Variants in LAMB2 observed in about 807,000 individuals in gnomAD.
The protein encoded by LAMB2 is laminin subunit beta 2, also known as laminin subunit beta-2.
Under a neutral mutation model 202.7 loss-of-function variants are expected in LAMB2, and 119 were observed. The observed-to-expected ratio is 0.59, with a 90% CI of 0.51 to 0.68. The LOEUF is 0.68. LAMB2 is among the 30% of genes least tolerant of loss of function. LAMB2 has a pLI of 0.00. For missense variants in LAMB2, 2,124 were observed against 2,410.6 expected (o/e 0.88, Z 2.49); for synonymous variants, 818 against 902.2 (o/e 0.91, Z 1.67).
In LAMB2 at chr3:49,124,682, C is replaced by G; in HGVS notation, c.3109+19G>C. 1 of 1,614,026 alleles carries G rather than the reference C, an allele frequency of 6.2e-7. No individual in the cohort carries two copies. Among genetic ancestry groups the G allele is most frequent in the Non-Finnish European group, 8.5e-7 (1 of 1,179,932 alleles). On this transcript the variant is annotated intron_variant, in intron 21 of 31. Transcript: ENST00000305544. Reference sequence around the variant, plus strand: ...AGCAGAACCCCAATTCAGCCATGCCCTCCCACACTCATACTCACGGTGACA... The same window carrying G: ...AGCAGAACCCCAATTCAGCCATGCCGTCCCACACTCATACTCACGGTGACA...
intron 27 of LAMB2, 131 bp downstream of exon 27, chr3:49,122,573 G>A: frequency 1.0e-6 from 1 of 971,630 alleles, no homozygotes; most frequent in Non-Finnish European, 1.7e-6. Flanking sequence ...AATAACTCAG[G>A]AGCCAGTCAA....
Position 49,129,735 on chromosome 3 carries a change from A to G in LAMB2, c.1406-19T>C, listed in dbSNP as rs747602880. ...TGACATCCTGCAGGGAAGGAGAACC[A>G]TCAGCACTTTGGGAAACTGTGGCAG... On this transcript the variant is annotated intron_variant, in intron 10 of 31. Transcript: ENST00000305544. This position sits in a 1 kb window ranked among gnomAD's most constrained non-coding sequence, Gnocchi z 6.1. 1.9e-6 allele frequency: 3 copies of G among 1,611,828 alleles called. No individual in the cohort carries two copies. Among genetic ancestry groups the G allele is most frequent in the Non-Finnish European group, 8.5e-7 (1 of 1,178,088 alleles).
Position 49,131,603 on chromosome 3 carries a change from G to A in LAMB2, c.580C>T (p.Pro194Ser). Residue 194 changes from proline to serine, a missense_variant, in exon 5 of 32, where the codon CCA becomes TCA. This residue lies in a region of LAMB2 where 256 missense variants were observed against 356.1 expected (regional missense o/e 0.72). Transcript: ENST00000305544. This position sits in a 1 kb window ranked among gnomAD's most constrained non-coding sequence, Gnocchi z 5.0. ...CAGACTACATCATCCCAGTGCCGTGGGGGTGCTAGTGGGACTCCTGGGAAG... is the reference window on the plus strand; with the variant it reads ...CAGACTACATCATCCCAGTGCCGTGAGGGTGCTAGTGGGACTCCTGGGAAG... ...ADFPGVPLAP[P>S]RHWDDVVCES... is the part of the protein sequence containing the mutation. The A allele has an allele frequency of 1.9e-6, 3 of 1,613,848 alleles. No homozygotes were observed. Among genetic ancestry groups the A allele is most frequent in the Non-Finnish European group, 1.7e-6 (2 of 1,180,034 alleles).
Position 49,126,409 on chromosome 3 carries a change from G to T in LAMB2, c.2107C>A (p.Gln703Lys). 3 of 1,614,184 alleles carry T rather than the reference G, an allele frequency of 1.9e-6. No individual in the cohort carries two copies. The highest frequency in any genetic ancestry group is 2.5e-6 in the Non-Finnish European group (3 of 1,180,028). ...LKLVRTGGSA[Q>K]PETPYSGPGL... is the part of the protein sequence containing the mutation. The stretch of plus-strand genomic sequence containing the variant: ...GGTCCAGAGTAGGGAGTCTCAGGCT[G>T]GGCACTTCCCCCTGTCCGTACCAGC... The change falls in exon 16 of 32, where the codon CAG (glutamine) becomes AAG (lysine). Residue 703 changes from glutamine (Q) to lysine (K), a missense_variant. Gln to Lys is a moderately conservative substitution (Grantham distance 53). Transcript: ENST00000305544.
chr3:49,127,838 G>A (rs944095010), intron 15 of LAMB2, among the ~76,000 whole-genome samples: 4 of 151,752 alleles, frequency 2.6e-5, no homozygotes, highest in African/African-American at 9.7e-5. Context: ...GGCCAACATG[G>A]TGAAACCCCA....
rs1424372955 is a variant in LAMB2 at position 49,128,495 on chromosome 3, C to T, written c.1981G>A (p.Asp661Asn). 1.9e-6 allele frequency: 3 copies of T among 1,614,042 alleles called. No homozygotes were observed. Among genetic ancestry groups the T allele is most frequent in the Non-Finnish European group, 2.5e-6 (3 of 1,180,038 alleles). Reference protein sequence around the residue: ...HSLCGHLVPKDDRIQGTLQPH... With the variant: ...HSLCGHLVPKNDRIQGTLQPH... The stretch of plus-strand genomic sequence containing the variant: ...TGCAGAGTCCCTTGGATGCGATCAT[C>T]CTTGGGCACCAAATGCCCACACAGG... Residue 661 changes from aspartate to asparagine, a missense_variant, in exon 15 of 32, where the codon GAT becomes AAT. By Grantham distance (23) the Asp-to-Asn change is conservative. Transcript: ENST00000305544.
chr3:49,128,337 G>A, intron 15 of LAMB2, 121 bp downstream of exon 15: 2 of 1,290,522 alleles, frequency 1.5e-6, no homozygotes, highest in East Asian at 5.0e-5. Flanking sequence ...CCAGCATTCT[G>A]GAGGTATTTG....
At position 49,132,897 on chromosome 3, in the gene LAMB2, G is replaced by C; in HGVS notation, c.-30C>G. ...AAGAGGGGAACAGGGATAAGGGGAG[G>C]TGAACGGTCTCGGGCCCGAGCCCTC... On this transcript the variant is annotated 5_prime_UTR_variant, in exon 1 of 32. Transcript: ENST00000305544. The surrounding 1 kb of genome is among the most constrained non-coding windows in gnomAD (Gnocchi z 4.6). The C allele has an allele frequency of 6.2e-7, 1 of 1,605,184 alleles. No individual in the cohort carries two copies. Among genetic ancestry groups the C allele is most frequent in the Non-Finnish European group, 8.5e-7 (1 of 1,172,104 alleles).
Position 49,122,024 on chromosome 3 carries a change from G to T in LAMB2, c.4843C>A (p.Gln1615Lys). 1 of 1,613,782 alleles carries T rather than the reference G, an allele frequency of 6.2e-7. No individual in the cohort carries two copies. The highest frequency in any genetic ancestry group is 8.5e-7 in the Non-Finnish European group (1 of 1,180,040). Residue 1615 changes from glutamine (Q) to lysine (K), a missense_variant, in exon 29 of 32, where the codon CAG (glutamine) becomes AAG (lysine). By Grantham distance (53) the Gln-to-Lys change is moderately conservative. Coordinates refer to ENST00000305544, the MANE Select transcript of LAMB2 (RefSeq NM_002292.4). ...CCCTGGGCAATACCCTGTGCCCGCT[G>T]GGCCTCCTCCAGTGCTGCCTGTACT... ...ETVQAALEEA[Q>K]RAQGIAQGAI...
In LAMB2 at chr3:49,129,692, G is replaced by A. The variant is rs2045460377; in HGVS notation, c.1430C>T (p.Thr477Ile). The change falls in exon 11 of 32, where the codon ACA (threonine) becomes ATA (isoleucine). Residue 477 changes from threonine (T) to isoleucine (I), a missense_variant. Transcript: ENST00000305544. This position sits in a 1 kb window ranked among gnomAD's most constrained non-coding sequence, Gnocchi z 6.1. Reference sequence around the variant, plus strand: ...GTCACAAGGAGTGCTCCCAGGCACTGTGCCCCGTGCATTACATTGACATCC... The same window carrying A: ...GTCACAAGGAGTGCTCCCAGGCACTATGCCCCGTGCATTACATTGACATCC... ...CRRCQCNARGTVPGSTPCDPN... is the reference protein window; with the variant it reads ...CRRCQCNARGIVPGSTPCDPN... 1.2e-6 allele frequency: 2 copies of A among 1,613,884 alleles called. No homozygotes were observed.
Position 49,132,891 on chromosome 3 carries a change from G to A in LAMB2, c.-24C>T, listed in dbSNP as rs764522917. 2.5e-6 allele frequency: 4 copies of A among 1,610,134 alleles called. No individual in the cohort carries two copies. In the Admixed American group the frequency reaches 6.7e-5, roughly 27 times the overall value. On this transcript the variant is annotated 5_prime_UTR_variant, in exon 1 of 32. Coordinates refer to ENST00000305544, the MANE Select transcript of LAMB2 (RefSeq NM_002292.4). This position sits in a 1 kb window ranked among gnomAD's most constrained non-coding sequence, Gnocchi z 4.6. ...ATCCTGAAGAGGGGAACAGGGATAA[G>A]GGGAGGTGAACGGTCTCGGGCCCGA... is the stretch of plus-strand genomic sequence containing the variant.
chr3:49,121,247 C>T lies in LAMB2; in HGVS notation c.5376G>A (p.Gln1792=). The change falls in exon 32 of 32, where the codon CAG becomes CAA. Residue 1792 remains glutamine, a synonymous_variant. Coordinates refer to ENST00000305544, the MANE Select transcript of LAMB2 (RefSeq NM_002292.4). ...SVLQAINLQV[Q]IYNTCQ The stretch of plus-strand genomic sequence containing the variant: ...GGGGTCACTGGCAGGTGTTGTAGAT[C>T]TGCACCTGCAAGTTGATGGCTTGAA... 6.2e-7 allele frequency: 1 copy of T among 1,612,284 alleles called. No homozygotes were observed. Among genetic ancestry groups the T allele is most frequent in the Non-Finnish European group, 8.5e-7 (1 of 1,180,026 alleles).
At position 49,122,976 on chromosome 3, in the gene LAMB2, T is replaced by C; in HGVS notation, c.4301A>G (p.Gln1434Arg). 6.2e-7 allele frequency: 1 copy of C among 1,609,046 alleles called. No homozygotes were observed. The highest frequency in any genetic ancestry group is 2.2e-5 in the East Asian group (1 of 44,874). ...GGAGCRDEDGQPRCGGLSCNG... is the reference protein window; with the variant it reads ...GGAGCRDEDGRPRCGGLSCNG... Reference sequence around the variant, plus strand: ...GCAGCTGAGGCCCCCACAGCGCGGCTGCCCATCCTCATCTCGACAGCCGGC... The same window carrying C: ...GCAGCTGAGGCCCCCACAGCGCGGCCGCCCATCCTCATCTCGACAGCCGGC... Residue 1434 changes from glutamine to arginine, a missense_variant, in exon 27 of 32, where the codon CAG (glutamine) becomes CGG (arginine). Gln to Arg is a conservative substitution (Grantham distance 43). This residue lies in a region of LAMB2 where 1,702 missense variants were observed against 1,896.3 expected (regional missense o/e 0.90). Transcript: ENST00000305544.
Position 49,122,727 on chromosome 3 carries a change from T to C in LAMB2, c.4550A>G (p.Gln1517Arg), listed in dbSNP as rs2045353224. 2 of 1,614,150 alleles carry C rather than the reference T, an allele frequency of 1.2e-6. No homozygotes were observed. The highest frequency in any genetic ancestry group is 2.2e-5 in the South Asian group (2 of 91,078). Residue 1517 changes from glutamine to arginine, a missense_variant, in exon 27 of 32, where the codon CAG becomes CGG. Physicochemically the swap from Gln to Arg is conservative, Grantham distance 43. Coordinates refer to ENST00000305544, the MANE Select transcript of LAMB2 (RefSeq NM_002292.4). ...ACGGTTGAGGAAGTCCTTCACACTC[T>C]GGATAAGTTCTTGAAGTTCCTGGTT... ...QANQELQELI[Q>R]SVKDFLNQEG...
rs1357115478 is a variant in LAMB2 at position 49,130,759 on chromosome 3, G to A, written c.1017C>T (p.Gly339=). 2 of 1,613,902 alleles carry A rather than the reference G, an allele frequency of 1.2e-6. No individual in the cohort carries two copies. The highest frequency in any genetic ancestry group is 1.7e-6 in the Non-Finnish European group (2 of 1,180,014). The part of the protein sequence containing the change: ...RDLPWRPAED[G]HSHACRKCEC... The stretch of plus-strand genomic sequence containing the variant: ...ACTCACTCCTACAGGCATGACTATG[G>A]CCGTCCTCAGCCGGACGCCAGGGCA... Residue 339 remains glycine (G), a synonymous_variant, in exon 8 of 32, where the codon GGC becomes GGT. Transcript: ENST00000305544. The surrounding 1 kb of genome is among the most constrained non-coding windows in gnomAD (Gnocchi z 5.0).
At chr3:49,127,559 G>C (rs1019954512) in intron 15 of LAMB2, among the ~76,000 whole-genome samples, 2 of 151,716 alleles carry the variant, frequency 1.3e-5, no homozygotes, top group Non-Finnish European at 2.9e-5. Flanking sequence ...GCAAGGCATG[G>C]TGGCGGGTGC....
At chr3:49,127,962 G>T (rs1321312795) in intron 15 of LAMB2, among the ~76,000 whole-genome samples, 1 of 142,480 alleles carries the variant, frequency 7.0e-6, no homozygotes, top group Non-Finnish European at 1.5e-5. Flanking sequence ...GGAGATTACA[G>T]TGAGCCGAGA....
In LAMB2 at chr3:49,124,901, G is replaced by A. The variant is rs763062098; in HGVS notation, c.2909C>T (p.Pro970Leu). The A allele has an allele frequency of 6.2e-7, 1 of 1,614,092 alleles. No homozygotes were observed. Among genetic ancestry groups the A allele is most frequent in the South Asian group, 1.1e-5 (1 of 91,090 alleles). Reference protein sequence around the residue: ...YTGLRCEACAPGHFGDPSRPG... With the variant: ...YTGLRCEACALGHFGDPSRPG... The stretch of plus-strand genomic sequence containing the variant: ...CCTTGATGGGTCCCCAAAGTGCCCA[G>A]GGGCACAAGCTTCACATCGCAGCCC... The change falls in exon 21 of 32, where the codon CCT (proline) becomes CTT (leucine). Residue 970 changes from proline (P) to leucine (L), a missense_variant. Physicochemically the swap from Pro to Leu is moderately conservative, Grantham distance 98. Transcript: ENST00000305544.
Position 49,123,116 on chromosome 3 carries a change from A to G in LAMB2, c.4224+16T>C. On this transcript the variant is annotated intron_variant, in intron 26 of 31. Coordinates refer to ENST00000305544, the MANE Select transcript of LAMB2 (RefSeq NM_002292.4). ...ACATCTACACCCACCTGCCCCACCCAACACTTCAACCTCACCAGCTCATTT... is the reference window on the plus strand; with the variant it reads ...ACATCTACACCCACCTGCCCCACCCGACACTTCAACCTCACCAGCTCATTT... The G allele has an allele frequency of 1.2e-6, 2 of 1,609,554 alleles. No individual in the cohort carries two copies. Among genetic ancestry groups the G allele is most frequent in the South Asian group, 1.1e-5 (1 of 91,084 alleles).
Sources: gnomAD v4.1 joint callset for allele counts (sites outside exome capture counted in the v4.1 genomes callset) on GRCh38, gnomAD v4.1.1 for gene constraint, gnomAD v4.1.1 regional missense constraint, Gnocchi (gnomAD v3.1) non-coding constraint, MANE v1.5 for transcripts, NCBI Gene and HGNC (gene_info 2026-07-23, HGNC 2026-07-21) for gene names.